SOBP: variants seen among roughly 807,000 people sequenced by gnomAD.
SOBP encodes the protein sine oculis binding protein homolog, also known as sine oculis-binding protein homolog.
SOBP carries 4 observed loss-of-function variants against 53.6 expected under a neutral mutation model. That is an observed-to-expected ratio of 0.07 (90% CI 0.04 to 0.17). The LOEUF (loss-of-function observed/expected upper bound fraction) is 0.17. Among genes scored for constraint, SOBP ranks in the 10% least tolerant of loss-of-function variants. SOBP has a pLI of 1.00. For missense variants in SOBP, 1,088 were observed against 1,204.7 expected (o/e 0.90, Z 1.43); for synonymous variants, 584 against 522.6 (o/e 1.12, Z -1.60).
chr6:107,553,357 C>T (rs1028339822), intron 4 of SOBP, among the ~76,000 whole-genome samples: 2 of 148,658 alleles, frequency 1.3e-5, no homozygotes, highest in African/African-American at 4.9e-5. Flanking sequence ...GAGACAGAGT[C>T]TCACTGTGTC....
At chr6:107,573,366 T>C (rs527752589) in intron 4 of SOBP, among the ~76,000 whole-genome samples, 1 of 152,144 alleles carries the variant, frequency 6.6e-6, no homozygotes, top group South Asian at 2.1e-4. Flanking sequence ...TTTTTTTTTT[T>C]CTCCAGAAAA....
intron 3 of SOBP, among the ~76,000 whole-genome samples, chr6:107,525,468 A>G (rs143324524): frequency 6.6e-6 from 1 of 152,334 alleles, no homozygotes; most frequent in African/African-American, 2.4e-5. Context: ...GGGAGAATAA[A>G]TGAGGAAGGG....
intron 6 of SOBP, among the ~76,000 whole-genome samples, chr6:107,646,399 C>A (rs1015721917): frequency 7.2e-5 from 11 of 152,162 alleles, no homozygotes; most frequent in Non-Finnish European, 1.2e-4. Flanking sequence ...GAAACAGAGG[C>A]CCCACCCTTC....
intron 1 of SOBP, among the ~76,000 whole-genome samples, chr6:107,500,776 T>TC (rs1562573952): frequency 3.3e-5 from 5 of 152,092 alleles, no homozygotes; most frequent in Admixed American, 2.6e-4. Flanking sequence ...CTGCCCACCT[T>TC]GGCCTCCCAA....
At chr6:107,640,615 G>T (rs570323498) in intron 6 of SOBP, among the ~76,000 whole-genome samples, 1 of 152,326 alleles carries the variant, frequency 6.6e-6, no homozygotes, top group South Asian at 2.1e-4. Context: ...ATTGGCCTGA[G>T]ATATGTCCCA....
intron 4 of SOBP, among the ~76,000 whole-genome samples, chr6:107,536,789 G>A (rs1288294853): frequency 6.6e-6 from 1 of 152,164 alleles, no homozygotes; most frequent in African/African-American, 2.4e-5. Flanking sequence ...TTCACTTAAG[G>A]ACTCTAACTA....
intron 1 of SOBP, among the ~76,000 whole-genome samples, chr6:107,492,846 T>A (rs1381501038): frequency 2.0e-5 from 3 of 152,160 alleles, no homozygotes; most frequent in African/African-American, 7.2e-5. Context: ...GTAGGATCAG[T>A]GTTTTCTCTC....
chr6:107,625,369 CAGAAG>C (rs771382395), intron 5 of SOBP, among the ~76,000 whole-genome samples: 6 of 152,144 alleles, frequency 3.9e-5, no homozygotes, highest in Admixed American at 1.3e-4. Context: ...AAGAGACTGT[CAGAAG>C]AGAACTGAAT....
At chr6:107,549,821 G>A (rs1784413677) in intron 4 of SOBP, among the ~76,000 whole-genome samples, 2 of 152,074 alleles carry the variant, frequency 1.3e-5, no homozygotes, top group African/African-American at 4.8e-5. Flanking sequence ...AGGGAGATGG[G>A]GTGATGTACT....
intron 1 of SOBP, among the ~76,000 whole-genome samples, chr6:107,499,468 T>C (rs1033968214): frequency 2.6e-5 from 4 of 152,202 alleles, no homozygotes; most frequent in Non-Finnish European, 4.4e-5. Flanking sequence ...CAAACCCAAA[T>C]TGGACCACAT....
At chr6:107,583,238 G>A (rs529581672) in intron 4 of SOBP, among the ~76,000 whole-genome samples, 1 of 152,288 alleles carries the variant, frequency 6.6e-6, no homozygotes, top group African/African-American at 2.4e-5. Context: ...GCAGTGGCTG[G>A]GCTGAAGATA....
chr6:107,530,597 A>G (rs1443661477), intron 3 of SOBP, among the ~76,000 whole-genome samples: 1 of 152,006 alleles, frequency 6.6e-6, no homozygotes, highest in Non-Finnish European at 1.5e-5. Flanking sequence ...TGTTTTTTAA[A>G]TTTTTTGAAT....
At chr6:107,606,798 A>G (rs927479150) in intron 5 of SOBP, among the ~76,000 whole-genome samples, 3 of 152,324 alleles carry the variant, frequency 2.0e-5, no homozygotes, top group Non-Finnish European at 4.4e-5. Context: ...CCCTCTGCTC[A>G]GGCAGATGAA....
Position 107,564,223 on chromosome 6 carries a change from T to A in SOBP, c.574-22857T>A, listed in dbSNP as rs75383044. On this transcript the variant is annotated intron_variant, in intron 4 of 6. Coordinates refer to ENST00000317357, the MANE Select transcript of SOBP (RefSeq NM_018013.4). ...AGCAGACTGAATGTAATCTGGCCCT[T>A]CTATTTCTTAAAGCTTTTAATACTA... Among the ~76,000 whole-genome samples the A allele has an allele frequency of 5.4e-3, 829 of 152,232 alleles. 2 individuals carry two copies. The highest frequency in any genetic ancestry group is 0.019 in the African/African-American group (789 of 41,520).
At chr6:107,567,888 G>GAGT (rs1476744473) in intron 4 of SOBP, among the ~76,000 whole-genome samples, 1 of 152,178 alleles carries the variant, frequency 6.6e-6, no homozygotes, top group Non-Finnish European at 1.5e-5. Context: ...GGGACTCTGA[G>GAGT]AGTAGCCCAG....
At chr6:107,503,036 AGGC>A (rs1474703669) in intron 1 of SOBP, among the ~76,000 whole-genome samples, 6 of 152,226 alleles carry the variant, frequency 3.9e-5, no homozygotes, top group Admixed American at 3.9e-4. Context: ...GCGGGATTAC[AGGC>A]GTGAGCCACC....
chr6:107,491,073 A>G (rs1205404049), intron 1 of SOBP, among the ~76,000 whole-genome samples: 5 of 152,012 alleles, frequency 3.3e-5, no homozygotes, highest in Admixed American at 1.3e-4. Context: ...AATCATCCTC[A>G]GGGTCCCTCC....
intron 5 of SOBP, among the ~76,000 whole-genome samples, chr6:107,600,964 T>C (rs1227996446): frequency 1.3e-5 from 2 of 152,158 alleles, no homozygotes; most frequent in Admixed American, 6.5e-5. Flanking sequence ...AGTTATATTG[T>C]TAAATTATAT....
intron 4 of SOBP, among the ~76,000 whole-genome samples, chr6:107,562,770 GA>G (rs1408777752): frequency 6.6e-6 from 1 of 151,922 alleles, no homozygotes; most frequent in Non-Finnish European, 1.5e-5. Context: ...TCTCAAAAAG[GA>G]AACTAAAATA....
Sources: gnomAD v4.1 joint callset for allele counts (sites outside exome capture counted in the v4.1 genomes callset) on GRCh38, gnomAD v4.1.1 for gene constraint, MANE v1.5 for transcripts, NCBI Gene and HGNC (gene_info 2026-07-23, HGNC 2026-07-21) for gene names.